Variants in PTPRN2 observed in about 807,000 individuals in gnomAD.
The protein encoded by PTPRN2 is protein tyrosine phosphatase receptor type N2.
In PTPRN2, 74 loss-of-function variants were observed where a neutral mutation model predicts 118.8. The ratio of observed to expected loss-of-function variants is 0.62; its 90% confidence interval spans 0.52 to 0.76. PTPRN2 has a LOEUF of 0.76. Among genes scored for constraint, PTPRN2 ranks in the 30% least tolerant of loss-of-function variants. PTPRN2 has a pLI of 0.00. For synonymous variants in PTPRN2, 641 were observed against 608.0 expected, an observed-to-expected ratio of 1.05 and a Z score of -0.80; for missense variants, 1,481 against 1,394.4, an observed-to-expected ratio of 1.06 and a Z score of -0.99.
rs1277558108 is a variant in PTPRN2 at position 157,901,900 on chromosome 7, TTTC to T, written c.1724-3166_1724-3164del. 7.5e-4 allele frequency among the ~76,000 whole-genome samples: 103 copies of T among 136,932 alleles called. 5 individuals carry two copies. Among genetic ancestry groups the T allele is most frequent in the African/African-American group, 3.5e-3 (99 of 28,646 alleles). 89.8% of individuals were successfully genotyped at this position (136,932 alleles called of 152,430 possible). A position where few individuals can be genotyped will look rare whatever the true frequency, so the allele number is the denominator to read the frequency against. ...CTGAGGCGGGGCCTTCCCGTCCGTG[TTTC>T]CTGGGTCCTGAGGCGGGGCCTTCCC... On this transcript the variant is annotated intron_variant, in intron 11 of 22. Transcript: ENST00000389418.
rs556704758 is a variant in PTPRN2, at chr7:158,269,514, T to G, written c.277+47305A>C. ...GAAGTCTGGGCTCTGGGGAAGACAT[T>G]CTGCAGCTCTAATTTTAAAACTATT... On this transcript the variant is annotated intron_variant, in intron 3 of 22. Transcript: ENST00000389418. Among the ~76,000 whole-genome samples the G allele has an allele frequency of 4.7e-4, 72 of 152,324 alleles. 1 individual carries two copies. The highest frequency in any genetic ancestry group is 7.9e-4 in the Non-Finnish European group (54 of 68,034).
chr7:158,161,534 T>C (rs1324684894), intron 6 of PTPRN2, among the ~76,000 whole-genome samples: 1 of 152,218 alleles, frequency 6.6e-6, no homozygotes, highest in Non-Finnish European at 1.5e-5. Context: ...TGTCCACATG[T>C]ACAGAAACAA....
chr7:157,637,799 C>A (rs1207534255), intron 14 of PTPRN2, among the ~76,000 whole-genome samples: 3 of 152,222 alleles, frequency 2.0e-5, no homozygotes, highest in Non-Finnish European at 4.4e-5. Context: ...CTCCCGCTCC[C>A]AAGTAGCAGG....
chr7:158,085,041 C>T (rs2128935460), intron 10 of PTPRN2, among the ~76,000 whole-genome samples: 1 of 135,098 alleles, frequency 7.4e-6, no homozygotes, highest in East Asian at 2.5e-4. Context: ...CATCCACACC[C>T]ACGACACCCA....
At chr7:158,317,575 T>C (rs1802439456) in intron 2 of PTPRN2, among the ~76,000 whole-genome samples, 1 of 152,240 alleles carries the variant, frequency 6.6e-6, no homozygotes. Flanking sequence ...TAGTCCCCAA[T>C]TAGTCTTTAT....
intron 2 of PTPRN2, among the ~76,000 whole-genome samples, chr7:158,409,727 G>A (rs554412258): frequency 4.6e-5 from 7 of 152,218 alleles, no homozygotes; most frequent in African/African-American, 1.2e-4. Flanking sequence ...GGTAGGGATC[G>A]CGCAGGCCCC....
rs541668537 is a variant in PTPRN2 at position 157,841,474 on chromosome 7, C to T, written c.1788+57199G>A. Among the ~76,000 whole-genome samples the T allele has an allele frequency of 3.7e-3, 565 of 152,298 alleles. 3 individuals carry two copies. The highest frequency in any genetic ancestry group is 4.6e-3 in the South Asian group (22 of 4,826). On this transcript the variant is annotated intron_variant, in intron 12 of 22. Coordinates refer to ENST00000389418, the MANE Select transcript of PTPRN2 (RefSeq NM_002847.5). ...AGGATCCTCCCCTTCCCACCCCACC[C>T]GCAGGTGATGATTTTGAAAAGCTCC...
At chr7:157,905,659 A>T (rs920755522) in intron 11 of PTPRN2, among the ~76,000 whole-genome samples, 1 of 152,242 alleles carries the variant, frequency 6.6e-6, no homozygotes, top group Non-Finnish European at 1.5e-5. Context: ...GCAGGCAGCT[A>T]CAGTGGAATA....
chr7:158,462,213 T>G (rs1476379543), intron 2 of PTPRN2, among the ~76,000 whole-genome samples: 3 of 152,198 alleles, frequency 2.0e-5, no homozygotes, highest in Admixed American at 6.5e-5. Context: ...TGGAGGAGTT[T>G]GGGTGAGCTT....
chr7:157,937,508 T>C (rs1162376540), intron 11 of PTPRN2, among the ~76,000 whole-genome samples: 1 of 152,238 alleles, frequency 6.6e-6, no homozygotes, highest in Non-Finnish European at 1.5e-5. Context: ...CAGCATCGGA[T>C]GAGAGAATAA....
At chr7:158,543,403 A>G (rs1429934101) in intron 1 of PTPRN2, among the ~76,000 whole-genome samples, 1 of 152,192 alleles carries the variant, frequency 6.6e-6, no homozygotes, top group African/African-American at 2.4e-5. Context: ...CCTTGGATGG[A>G]TTTTGCAGAG....
At position 158,465,196 on chromosome 7, in the gene PTPRN2, G is replaced by A. The variant is rs62480037; in HGVS notation, c.163+24539C>T. Among the ~76,000 whole-genome samples the A allele has an allele frequency of 5.5e-3, 835 of 152,286 alleles. 3 individuals carry two copies. Among genetic ancestry groups the A allele is most frequent in the Middle Eastern group, 0.01 (3 of 294 alleles). On this transcript the variant is annotated intron_variant, in intron 2 of 22. Coordinates refer to ENST00000389418, the MANE Select transcript of PTPRN2 (RefSeq NM_002847.5). The stretch of plus-strand genomic sequence containing the variant: ...AGTGCCCATCTTGCAGAGTTTGTGC[G>A]AAGTGACACTCTGGTGGCTCTCCAG...
chr7:158,363,163 C>G (rs78753127), intron 2 of PTPRN2, among the ~76,000 whole-genome samples: 6,552 of 152,266 alleles, frequency 0.043, 478 homozygotes, highest in African/African-American at 0.15. Flanking sequence ...CCAGCCTTCG[C>G]TGAGCCTCCA....
In PTPRN2 at chr7:157,652,578, A is replaced by T. The variant is rs553663734; in HGVS notation, c.2196+3779T>A. Among the ~76,000 whole-genome samples, 6 of 152,112 alleles carry T rather than the reference A, an allele frequency of 3.9e-5. No individual in the cohort carries two copies. The East Asian group carries it at 1.2e-3, about 29-fold the overall frequency. On this transcript the variant is annotated intron_variant, in intron 14 of 22. Transcript: ENST00000389418. ...CTGCCCACCCCTGCCCCTTCCCATC[A>T]GGCTTTCATGTGGCCCCTTCCCCGG...
chr7:158,257,333 G>T (rs1350833415), intron 3 of PTPRN2, among the ~76,000 whole-genome samples: 1 of 152,108 alleles, frequency 6.6e-6, no homozygotes, highest in Non-Finnish European at 1.5e-5. Flanking sequence ...ACTTACACAG[G>T]AACCAAATGT....
chr7:158,330,009 A>T (rs1804044805), intron 2 of PTPRN2, among the ~76,000 whole-genome samples: 1 of 151,220 alleles, frequency 6.6e-6, no homozygotes, highest in African/African-American at 2.4e-5. Context: ...CGACACTCAC[A>T]CCCACACTCT....
At position 158,498,489 on chromosome 7, in the gene PTPRN2, T is replaced by G. The variant is rs146983200; in HGVS notation, c.113-8704A>C. On this transcript the variant is annotated intron_variant, in intron 1 of 22. Coordinates refer to ENST00000389418, the MANE Select transcript of PTPRN2 (RefSeq NM_002847.5). Reference sequence around the variant, plus strand: ...GCTACACATTCCTCCTTCATTCGTTTGAAGACATTAAGAGCAGCAACCTCA... The same window carrying G: ...GCTACACATTCCTCCTTCATTCGTTGGAAGACATTAAGAGCAGCAACCTCA... Among the ~76,000 whole-genome samples the G allele has an allele frequency of 8.1e-3, 1,228 of 151,816 alleles. 5 individuals carry two copies. The highest frequency in any genetic ancestry group is 0.013 in the Non-Finnish European group (884 of 67,878).
chr7:158,202,776 G>C (rs920128900), intron 4 of PTPRN2, among the ~76,000 whole-genome samples: 1 of 152,158 alleles, frequency 6.6e-6, no homozygotes, highest in African/African-American at 2.4e-5. Flanking sequence ...ACCATAGCTA[G>C]TGCCATCTAC....
intron 3 of PTPRN2, among the ~76,000 whole-genome samples, chr7:158,258,963 AGAGTGGGGTGAG>A (rs548855255): frequency 6.6e-5 from 10 of 152,154 alleles, no homozygotes; most frequent in Non-Finnish European, 1.2e-4. Context: ...TAAAGGATCC[AGAGTGGGGTGAG>A]GGAGGTGCAG....
Sources: allele counts gnomAD v4.1 joint callset (sites outside exome capture counted in the v4.1 genomes callset), GRCh38; gene constraint gnomAD v4.1.1; transcripts MANE v1.5; gene names NCBI Gene and HGNC (gene_info 2026-07-23, HGNC 2026-07-21).